The following MACROH2A2 variants were observed in gnomAD, a reference collection of about 807,000 sequenced individuals.
MACROH2A2 encodes the protein macroH2A.2 histone, also known as core histone macro-H2A.2.
Under a neutral mutation model 37.6 loss-of-function variants are expected in MACROH2A2, and 6 were observed. That is an observed-to-expected ratio of 0.16 (90% CI 0.09 to 0.32). The LOEUF (loss-of-function observed/expected upper bound fraction) is 0.32. MACROH2A2 is among the 10% of genes least tolerant of loss of function. MACROH2A2 has a pLI of 1.00. For synonymous variants in MACROH2A2, 192 were observed against 202.7 expected (o/e 0.95, Z 0.45); for missense variants, 290 against 485.9 (o/e 0.60, Z 3.79).
chr10:70,083,192 C>T (rs1459385142), intron 2 of MACROH2A2, among the ~76,000 whole-genome samples: 1 of 152,132 alleles, frequency 6.6e-6, no homozygotes, highest in Admixed American at 6.5e-5. Flanking sequence ...GGGGAGGCAC[C>T]TCCTCCAGCT....
chr10:70,076,557 T>G (rs1199998587), intron 2 of MACROH2A2, among the ~76,000 whole-genome samples: 4 of 152,146 alleles, frequency 2.6e-5, no homozygotes, highest in Non-Finnish European at 4.4e-5. Flanking sequence ...CAGGGGTGCT[T>G]TTCAGAAGTA....
At chr10:70,098,711 T>C (rs2072289749) in intron 6 of MACROH2A2, 1 of 152,404 alleles carries the variant, frequency 6.6e-6, no homozygotes, top group African/African-American at 2.4e-5. Context: ...CCAAGACTCC[T>C]TGGTCAGTGG....
At chr10:70,086,569 T>C (rs1190346244) in intron 2 of MACROH2A2, among the ~76,000 whole-genome samples, 1 of 152,220 alleles carries the variant, frequency 6.6e-6, no homozygotes, top group African/African-American at 2.4e-5. Context: ...TCCTGAAGAC[T>C]CCAAATATGT....
intron 7 of MACROH2A2, 55 bp from the exon 8 acceptor site, chr10:70,108,978 A>G (rs1356819323): frequency 6.6e-7 from 1 of 1,520,108 alleles, no homozygotes; most frequent in Non-Finnish European, 9.1e-7. Context: ...AGGTTAGGCT[A>G]TAACCTAGGA....
chr10:70,105,352 ACAT>A lies in MACROH2A2; in HGVS notation c.779-3678_779-3676del, dbSNP rs149228300. On this transcript the variant is annotated intron_variant, in intron 7 of 8. Coordinates refer to ENST00000373255, the MANE Select transcript of MACROH2A2 (RefSeq NM_018649.3). ...GGCGGGGACCCCAGGGTAACACAGT[ACAT>A]CACTTAGCACAGCTGGCTGCTGAAT... Among the ~76,000 whole-genome samples the A allele has an allele frequency of 3.3e-3, 505 of 152,326 alleles. 3 individuals are homozygous for A. The highest frequency in any genetic ancestry group is 0.011 in the African/African-American group (472 of 41,578).
In MACROH2A2 at chr10:70,075,897, A is replaced by T; in HGVS notation, c.172+67A>T. On this transcript the variant is annotated intron_variant, in intron 2 of 8. Transcript: ENST00000373255. This position sits in a 1 kb window ranked among gnomAD's most constrained non-coding sequence, Gnocchi z 5.0. ...CCACCCTCCCCTGGGTCCCCCTCGC[A>T]GGCTGGGGAGGGATGCTCCAAATTG... The T allele has an allele frequency of 1.5e-6, 2 of 1,346,870 alleles. No homozygotes were observed. Among genetic ancestry groups the T allele is most frequent in the South Asian group, 2.6e-5 (2 of 78,408 alleles). 83.4% of individuals were successfully genotyped at this position (1,346,870 alleles called of 1,614,324 possible). A position where few individuals can be genotyped will look rare whatever the true frequency, so the allele number is the denominator to read the frequency against.
At chr10:70,076,053 C>T (rs1237497472) in intron 2 of MACROH2A2, among the ~76,000 whole-genome samples, 2 of 152,134 alleles carry the variant, frequency 1.3e-5, no homozygotes, top group Non-Finnish European at 1.5e-5. Context: ...GCATGGAAGG[C>T]GGAGAACCCA....
rs549902449 is a variant in MACROH2A2 at position 70,095,358 on chromosome 10, A to T, written c.589-296A>T. Among the ~76,000 whole-genome samples the T allele has an allele frequency of 5.6e-5, 8 of 142,568 alleles. No homozygotes were observed. In the Admixed American group the frequency reaches 5.8e-4, roughly 10 times the overall value. 93.5% of individuals were successfully genotyped at this position (142,568 alleles called of 152,430 possible). A position where few individuals can be genotyped will look rare whatever the true frequency, so the allele number is the denominator to read the frequency against. On this transcript the variant is annotated intron_variant, in intron 5 of 8. Coordinates refer to ENST00000373255, the MANE Select transcript of MACROH2A2 (RefSeq NM_018649.3). ...ACTCCAGCCTGGGAGACAGAGTGAGACTCCGTCTCAAAAAAAAAAAAAAAA... is the reference window on the plus strand; with the variant it reads ...ACTCCAGCCTGGGAGACAGAGTGAGTCTCCGTCTCAAAAAAAAAAAAAAAA...
intron 1 of MACROH2A2, among the ~76,000 whole-genome samples, chr10:70,069,792 A>G (rs1221005511): frequency 5.9e-5 from 9 of 152,100 alleles, no homozygotes; most frequent in Admixed American, 1.3e-4. Flanking sequence ...CGAGACTCCA[A>G]TTACCAGGAT....
At chr10:70,094,544 G>A (rs2072263797) in intron 5 of MACROH2A2, among the ~76,000 whole-genome samples, 1 of 152,208 alleles carries the variant, frequency 6.6e-6, no homozygotes, top group Admixed American at 6.5e-5. Context: ...TGACAACACA[G>A]TAAGCCTCCA....
intron 5 of MACROH2A2, 133 bp from the exon 6 acceptor site, chr10:70,095,521 C>T: frequency 1.8e-6 from 1 of 564,468 alleles, no homozygotes; most frequent in South Asian, 2.3e-5. Flanking sequence ...TGGAGGTTGT[C>T]ACTCTCTATG....
At chr10:70,080,711 A>G (rs1369683896) in intron 2 of MACROH2A2, among the ~76,000 whole-genome samples, 1 of 151,532 alleles carries the variant, frequency 6.6e-6, no homozygotes, top group Non-Finnish European at 1.5e-5. Flanking sequence ...ATGAAACCCC[A>G]TCTCTACTAA....
chr10:70,095,340 C>G (rs1351105686), intron 5 of MACROH2A2, among the ~76,000 whole-genome samples: 1 of 150,904 alleles, frequency 6.6e-6, no homozygotes, highest in Non-Finnish European at 1.5e-5. Context: ...TGCACTCCAG[C>G]CTGGGAGACA....
At chr10:70,091,590 G>A (rs1262446002) in intron 3 of MACROH2A2, among the ~76,000 whole-genome samples, 167 bp from the exon 4 acceptor site, 49 of 151,142 alleles carry the variant, frequency 3.2e-4, no homozygotes, top group Admixed American at 3.2e-3. Flanking sequence ...TAAGAGAATT[G>A]CTTGAACCTG....
chr10:70,064,099 T>C (rs2072064907), intron 1 of MACROH2A2, among the ~76,000 whole-genome samples: 1 of 152,240 alleles, frequency 6.6e-6, no homozygotes, highest in African/African-American at 2.4e-5. Flanking sequence ...CTGGGCATGG[T>C]GGCTTATGCC....
At chr10:70,088,174 C>A (rs867200489) in intron 2 of MACROH2A2, among the ~76,000 whole-genome samples, 27 of 151,636 alleles carry the variant, frequency 1.8e-4, no homozygotes, top group African/African-American at 6.3e-4. Flanking sequence ...CGCACACACA[C>A]GCACACATAT....
At chr10:70,084,297 A>G (rs1306336284) in intron 2 of MACROH2A2, among the ~76,000 whole-genome samples, 2 of 152,246 alleles carry the variant, frequency 1.3e-5, no homozygotes, top group Non-Finnish European at 2.9e-5. Context: ...ATTTAAGGGA[A>G]TATCATTCAA....
At chr10:70,063,254 TGTTAA>T (rs1465570785) in intron 1 of MACROH2A2, among the ~76,000 whole-genome samples, 1 of 152,186 alleles carries the variant, frequency 6.6e-6, no homozygotes, top group Non-Finnish European at 1.5e-5. Context: ...GCCATCAGGG[TGTTAA>T]ATAAAGTTTC....
rs374091167 is a variant in MACROH2A2 at position 70,093,113 on chromosome 10, G to A, written c.478-622G>A. ...TAGCCTCAAACTCCTGGGCTCAAGC[G>A]ACCCTCCTGCCTCAGCCTCCCAAAG... On this transcript the variant is annotated intron_variant, in intron 4 of 8. Transcript: ENST00000373255. Among the ~76,000 whole-genome samples the A allele has an allele frequency of 9.9e-5, 15 of 152,058 alleles. 1 individual carries two copies. The highest frequency in any genetic ancestry group is 4.6e-4 in the Admixed American group (7 of 15,268).
Sources: gnomAD v4.1 joint callset for allele counts (sites outside exome capture counted in the v4.1 genomes callset) on GRCh38, gnomAD v4.1.1 for gene constraint, Gnocchi (gnomAD v3.1) non-coding constraint, MANE v1.5 for transcripts, NCBI Gene and HGNC (gene_info 2026-07-23, HGNC 2026-07-21) for gene names.